Variants in TMEM218 observed in about 807,000 individuals in gnomAD.
TMEM218 encodes the protein transmembrane protein 218.
In TMEM218, 8 loss-of-function variants were observed where a neutral mutation model predicts 10.0. The observed-to-expected ratio is 0.80, with a 90% CI of 0.47 to 1.44. The LOEUF is 1.44. TMEM218 is among the 40% of genes most tolerant of loss of function. TMEM218 has a pLI of 0.00. For missense variants in TMEM218, 110 were observed against 140.1 expected, an observed-to-expected ratio of 0.79 and a Z score of 1.08; for synonymous variants, 66 against 63.5, an observed-to-expected ratio of 1.04 and a Z score of -0.18.
rs1398971402 is a variant in TMEM218 at position 125,102,765 on chromosome 11, A to T, written c.-108T>A. 1.6e-6 allele frequency: 2 copies of T among 1,249,874 alleles called. No homozygotes were observed. The highest frequency in any genetic ancestry group is 2.1e-6 in the Non-Finnish European group (2 of 957,442). The allele number at this position is 1,249,874 out of a possible 1,614,324, so 77.4% of individuals were successfully genotyped here. A position where few individuals can be genotyped will look rare whatever the true frequency, so the allele number is the denominator to read the frequency against. On this transcript the variant is annotated 5_prime_UTR_variant, in exon 2 of 5. Coordinates refer to ENST00000682305, the MANE Select transcript of TMEM218 (RefSeq NM_001258244.2). ...ATGGATCACAAGACAGAAAGTTCCC[A>T]CTCTGTTGTCGAGTTCTTATTCAAG...
rs753490601 is a variant in TMEM218 at position 125,095,186 on chromosome 11, A to G, written c.*2420T>C. On this transcript the variant is annotated 3_prime_UTR_variant, in exon 5 of 5. Transcript: ENST00000682305. Reference sequence around the variant, plus strand: ...CACGAAATAACCTATTTTCTTATATAGAAACCCAGATTTACTCTCCCTCTC... The same window carrying G: ...CACGAAATAACCTATTTTCTTATATGGAAACCCAGATTTACTCTCCCTCTC... Among the ~76,000 whole-genome samples, 1 of 152,210 alleles carries G rather than the reference A, an allele frequency of 6.6e-6. No individual in the cohort carries two copies. Among genetic ancestry groups the G allele is most frequent in the Admixed American group, 6.5e-5 (1 of 15,282 alleles).
intron 1 of TMEM218, chr11:125,103,117 C>G: frequency 6.3e-6 from 1 of 158,064 alleles, no homozygotes; most frequent in East Asian, 1.9e-4. Context: ...TGGTACTGGT[C>G]CATGGCCTTT....
In TMEM218 at chr11:125,094,670, C is replaced by CA. The variant is rs1949409788; in HGVS notation, c.*2935dup. On this transcript the variant is annotated 3_prime_UTR_variant, in exon 5 of 5. Coordinates refer to ENST00000682305, the MANE Select transcript of TMEM218 (RefSeq NM_001258244.2). ...ACAGCAGGTTTCTTTACACATTGAG[C>CA]AAAAAATAAACCAGAAACACTTCAA... 2.0e-5 allele frequency among the ~76,000 whole-genome samples: 3 copies of CA among 152,020 alleles called. No homozygotes were observed. Among genetic ancestry groups the CA allele is most frequent in the African/African-American group, 4.8e-5 (2 of 41,378 alleles).
At chr11:125,098,284 C>A (rs1949996327) in intron 4 of TMEM218, among the ~76,000 whole-genome samples, 1 of 152,152 alleles carries the variant, frequency 6.6e-6, no homozygotes, top group African/African-American at 2.4e-5. Context: ...GGGAAAATGA[C>A]CATTTACCTG....
chr11:125,106,571 A>G (rs1353777850), intron 1 of TMEM218, among the ~76,000 whole-genome samples: 1 of 152,248 alleles, frequency 6.6e-6, no homozygotes, highest in Non-Finnish European at 1.5e-5. Context: ...ATGAGAATAA[A>G]TATGTAAAAA....
chr11:125,110,338 A>G (rs1004307798), intron 1 of TMEM218, among the ~76,000 whole-genome samples: 1 of 152,202 alleles, frequency 6.6e-6, no homozygotes, highest in Non-Finnish European at 1.5e-5. Flanking sequence ...GAAAAAAAAT[A>G]ATTTAAATTT....
intron 4 of TMEM218, among the ~76,000 whole-genome samples, chr11:125,099,472 T>C (rs1950281354): frequency 6.6e-6 from 1 of 152,158 alleles, no homozygotes; most frequent in African/African-American, 2.4e-5. Context: ...ACAAAAGTAT[T>C]TTGCTCAAAC....
chr11:125,100,882 C>CT (rs1385494166), intron 4 of TMEM218, among the ~76,000 whole-genome samples: 1 of 152,116 alleles, frequency 6.6e-6, no homozygotes, highest in East Asian at 1.9e-4. Flanking sequence ...ATTTCATTTT[C>CT]TTTTTTTTCT....
At chr11:125,098,126 A>G (rs1591364084) in intron 4 of TMEM218, among the ~76,000 whole-genome samples, 1 of 152,360 alleles carries the variant, frequency 6.6e-6, no homozygotes, top group East Asian at 1.9e-4. Context: ...TTAAACATAC[A>G]TAAAAATGCA....
rs772338859 is a variant in TMEM218 at position 125,096,695 on chromosome 11, A to G, written c.*911T>C. 5.3e-5 allele frequency: 8 copies of G among 152,220 alleles called. No individual in the cohort carries two copies. The highest frequency in any genetic ancestry group is 9.6e-5 in the African/African-American group (4 of 41,460). 9.4% of individuals were successfully genotyped at this position (152,220 alleles called of 1,614,324 possible). A position where few individuals can be genotyped will look rare whatever the true frequency, so the allele number is the denominator to read the frequency against. ...TAGGGAGTCAGGATCAGACTTCCAA[A>G]GTGGAACCTGACCAGGGCCCCTCCA... On this transcript the variant is annotated 3_prime_UTR_variant, in exon 5 of 5. Coordinates refer to ENST00000682305, the MANE Select transcript of TMEM218 (RefSeq NM_001258244.2).
chr11:125,109,382 G>A lies in TMEM218; in HGVS notation c.-153+2157C>T, dbSNP rs573130153. Among the ~76,000 whole-genome samples, 317 of 152,252 alleles carry A rather than the reference G, an allele frequency of 2.1e-3. 2 individuals carry two copies. Among genetic ancestry groups the A allele is most frequent in the Non-Finnish European group, 3.4e-3 (228 of 68,012 alleles). On this transcript the variant is annotated intron_variant, in intron 1 of 4. Coordinates refer to ENST00000682305, the MANE Select transcript of TMEM218 (RefSeq NM_001258244.2). The stretch of plus-strand genomic sequence containing the variant: ...CAAAAGACTATTTGCCTCTGCAGAG[G>A]GAGGAAGGAAAGGGAATGGGGTTAG...
In TMEM218 at chr11:125,108,694, A is replaced by G. The variant is rs1020809835; in HGVS notation, c.-153+2845T>C. ...ATAATTTTCCTCTGATTTACATTAG[A>G]GTTGCATTCCTGGAAATTTTACTAT... On this transcript the variant is annotated intron_variant, in intron 1 of 4. Coordinates refer to ENST00000682305, the MANE Select transcript of TMEM218 (RefSeq NM_001258244.2). The surrounding 1 kb of genome is among the most constrained non-coding windows in gnomAD (Gnocchi z 5.3). Among the ~76,000 whole-genome samples the G allele has an allele frequency of 7.9e-5, 12 of 152,242 alleles. 1 individual carries two copies. Among genetic ancestry groups the G allele is most frequent in the African/African-American group, 2.7e-4 (11 of 41,464 alleles).
Position 125,101,895 on chromosome 11 carries a change from G to A in TMEM218, c.110+237C>T, listed in dbSNP as rs922274660. On this transcript the variant is annotated intron_variant, in intron 3 of 4. Transcript: ENST00000682305. ...AGCCTCAAGAAACTCAATAAGCAGT[G>A]AAAGCAGAGTTTCTTGCCACAGTTA... 3 of 533,980 alleles carry A rather than the reference G, an allele frequency of 5.6e-6. No homozygotes were observed. The African/African-American group carries it at 5.9e-5, about 11-fold the overall frequency. 33.1% of individuals were successfully genotyped at this position (533,980 alleles called of 1,614,324 possible).
rs974644732 is a variant in TMEM218, at chr11:125,096,875, C to G, written c.*731G>C. On this transcript the variant is annotated 3_prime_UTR_variant, in exon 5 of 5. Transcript: ENST00000682305. ...GGACTCATGGTAATTAAATAAGGCA[C>G]ACACAGCCCACCACATCATGGAAGA... 1 of 152,166 alleles carries G rather than the reference C, an allele frequency of 6.6e-6. No individual in the cohort carries two copies. Among genetic ancestry groups the G allele is most frequent in the Non-Finnish European group, 1.5e-5 (1 of 68,040 alleles). The allele number at this position is 152,166 out of a possible 1,614,324, so 9.4% of individuals were successfully genotyped here.
At chr11:125,098,142 A>G (rs1259974474) in intron 4 of TMEM218, among the ~76,000 whole-genome samples, 1 of 152,248 alleles carries the variant, frequency 6.6e-6, no homozygotes, top group African/African-American at 2.4e-5. Context: ...ATGCAATAGT[A>G]TAATAAACTC....
At chr11:125,099,307 C>A (rs140279642) in intron 4 of TMEM218, among the ~76,000 whole-genome samples, 1 of 152,168 alleles carries the variant, frequency 6.6e-6, no homozygotes, top group Non-Finnish European at 1.5e-5. Context: ...CATGTTTGCT[C>A]GTTCGACACG....
At position 125,096,914 on chromosome 11, in the gene TMEM218, A is replaced by G. The variant is rs1949719240; in HGVS notation, c.*692T>C. The G allele has an allele frequency of 6.6e-6, 1 of 152,256 alleles. No individual in the cohort carries two copies. The highest frequency in any genetic ancestry group is 6.5e-5 in the Admixed American group (1 of 15,282). 9.4% of individuals were successfully genotyped at this position (152,256 alleles called of 1,614,324 possible). A position where few individuals can be genotyped will look rare whatever the true frequency, so the allele number is the denominator to read the frequency against. ...CATCATGGAAGAAAAAAACCTACAG[A>G]TACATGGCAAGACAAAAAACAAAAA... is the stretch of plus-strand genomic sequence containing the variant. On this transcript the variant is annotated 3_prime_UTR_variant, in exon 5 of 5. Coordinates refer to ENST00000682305, the MANE Select transcript of TMEM218 (RefSeq NM_001258244.2).
intron 1 of TMEM218, chr11:125,104,384 G>A (rs1951643254): frequency 6.6e-6 from 1 of 152,232 alleles, no homozygotes; most frequent in Admixed American, 6.5e-5. Flanking sequence ...GCTACTATTT[G>A]TAGGACTGGC....
intron 3 of TMEM218, 142 bp from the exon 4 acceptor site, chr11:125,101,445 T>C (rs1240420970): frequency 6.5e-7 from 1 of 1,529,624 alleles, no homozygotes; most frequent in South Asian, 1.2e-5. Flanking sequence ...GTCAACAACC[T>C]CTTCATCCCA....
Sources: allele counts gnomAD v4.1 joint callset (sites outside exome capture counted in the v4.1 genomes callset), GRCh38; gene constraint gnomAD v4.1.1; non-coding constraint Gnocchi (gnomAD v3.1); transcripts MANE v1.5; gene names NCBI Gene and HGNC (gene_info 2026-07-23, HGNC 2026-07-21).